AGBL4: variants seen among roughly 807,000 people sequenced by gnomAD.
The protein encoded by AGBL4 is cytosolic carboxypeptidase 6.
Under a neutral mutation model 66.4 loss-of-function variants are expected in AGBL4, and 58 were observed. That is an observed-to-expected ratio of 0.87 (90% CI 0.71 to 1.09). The LOEUF is 1.09. Ranked by LOEUF, AGBL4 falls within the 50% of genes least tolerant of loss-of-function variation. The pLI is 0.00. For missense variants in AGBL4, 579 were observed against 631.0 expected (o/e 0.92, Z 0.88); for synonymous variants, 234 against 222.9 (o/e 1.05, Z -0.44).
At chr1:49,906,433 C>G (rs1462499124) in intron 1 of AGBL4, among the ~76,000 whole-genome samples, 1 of 151,916 alleles carries the variant, frequency 6.6e-6, no homozygotes, top group African/African-American at 2.4e-5. Context: ...TTTATATTTT[C>G]GTGGTTATAA....
chr1:50,023,645 C>G, intron 1 of AGBL4, 118 bp downstream of exon 1: 4 of 1,261,384 alleles, frequency 3.2e-6, no homozygotes, highest in Non-Finnish European at 4.2e-6. Flanking sequence ...CATAACCCAC[C>G]GCGCAAATAT....
At chr1:48,751,083 T>C (rs558432097) in intron 6 of AGBL4, among the ~76,000 whole-genome samples, 2 of 152,346 alleles carry the variant, frequency 1.3e-5, no homozygotes, top group African/African-American at 4.8e-5. Flanking sequence ...GATATGTCTT[T>C]TCCCCTCTCT....
At chr1:49,375,869 C>G (rs373064271) in intron 3 of AGBL4, among the ~76,000 whole-genome samples, 2 of 152,088 alleles carry the variant, frequency 1.3e-5, no homozygotes, top group African/African-American at 4.8e-5. Context: ...TCGACAGAGT[C>G]TGACCTTTCT....
intron 6 of AGBL4, among the ~76,000 whole-genome samples, chr1:48,706,616 C>T (rs542568438): frequency 1.3e-4 from 19 of 151,906 alleles, no homozygotes; most frequent in Non-Finnish European, 2.2e-4. Flanking sequence ...AAAAAGAAAC[C>T]TGTGGAAAGC....
intron 9 of AGBL4, among the ~76,000 whole-genome samples, chr1:48,625,755 G>A (rs1341390190): frequency 2.6e-5 from 4 of 152,030 alleles, no homozygotes; most frequent in East Asian, 3.9e-4. Flanking sequence ...AGAGTCTTTC[G>A]GGATGAAAAG....
chr1:49,384,321 C>T (rs982363499), intron 3 of AGBL4, among the ~76,000 whole-genome samples: 3 of 151,896 alleles, frequency 2.0e-5, no homozygotes, highest in East Asian at 3.9e-4. Flanking sequence ...CGGCTGGGCT[C>T]GGTGGCTCAT....
intron 3 of AGBL4, among the ~76,000 whole-genome samples, chr1:49,680,498 G>T (rs1353997032): frequency 6.6e-6 from 1 of 152,012 alleles, no homozygotes; most frequent in Non-Finnish European, 1.5e-5. Flanking sequence ...ACTGGATATA[G>T]AATTCTAAGT....
intron 3 of AGBL4, among the ~76,000 whole-genome samples, chr1:49,338,309 C>G (rs746794072): frequency 6.6e-6 from 1 of 152,160 alleles, no homozygotes; most frequent in Non-Finnish European, 1.5e-5. Flanking sequence ...TCTATGCCAC[C>G]TCTGCATATT....
intron 5 of AGBL4, among the ~76,000 whole-genome samples, chr1:48,968,079 GGA>G (rs1225996088): frequency 7.5e-6 from 1 of 133,424 alleles, no homozygotes; most frequent in African/African-American, 2.7e-5. Flanking sequence ...TGAAAATCTG[GGA>G]TCAGAAATCT....
At chr1:49,282,763 C>T (rs920174480) in intron 3 of AGBL4, among the ~76,000 whole-genome samples, 7 of 152,272 alleles carry the variant, frequency 4.6e-5, no homozygotes, top group South Asian at 4.2e-4. Flanking sequence ...GGGTGACAGA[C>T]GCACCTGGAA....
intron 4 of AGBL4, among the ~76,000 whole-genome samples, chr1:49,183,082 C>T (rs1646956625): frequency 6.6e-6 from 1 of 152,130 alleles, no homozygotes; most frequent in South Asian, 2.1e-4. Flanking sequence ...GCTCTTAAAT[C>T]TAATCAAATG....
intron 3 of AGBL4, among the ~76,000 whole-genome samples, chr1:49,572,048 T>C (rs746291285): frequency 6.6e-6 from 1 of 152,136 alleles, no homozygotes; most frequent in Non-Finnish European, 1.5e-5. Flanking sequence ...TGTGTCCTTG[T>C]TTGCTTGGTT....
chr1:49,479,398 C>T (rs575331693), intron 3 of AGBL4, among the ~76,000 whole-genome samples: 1 of 151,776 alleles, frequency 6.6e-6, no homozygotes, highest in East Asian at 1.9e-4. Context: ...ATTATTTCAT[C>T]ACCCCGGTGT....
At position 49,342,169 on chromosome 1, in the gene AGBL4, A is replaced by G. The variant is rs186472115; in HGVS notation, c.283-96305T>C. Reference sequence around the variant, plus strand: ...GCTTTTTTTCCACTCTCCCTCTCTGATGCCTCAGCCTCTCTCTGTGCGCAA... The same window carrying G: ...GCTTTTTTTCCACTCTCCCTCTCTGGTGCCTCAGCCTCTCTCTGTGCGCAA... On this transcript the variant is annotated intron_variant, in intron 3 of 13. Coordinates refer to ENST00000371839, the MANE Select transcript of AGBL4 (RefSeq NM_032785.4). Among the ~76,000 whole-genome samples, 288 of 152,190 alleles carry G rather than the reference A, an allele frequency of 1.9e-3. 2 individuals carry two copies. Among genetic ancestry groups the G allele is most frequent in the South Asian group, 0.01 (49 of 4,826 alleles).
chr1:49,735,913 G>A (rs1190692684), intron 2 of AGBL4, among the ~76,000 whole-genome samples: 2 of 151,852 alleles, frequency 1.3e-5, no homozygotes, highest in Non-Finnish European at 2.9e-5. Flanking sequence ...AAAAATCACT[G>A]GAAAGTATCA....
At chr1:49,176,165 A>G (rs926706395) in intron 4 of AGBL4, among the ~76,000 whole-genome samples, 1 of 152,140 alleles carries the variant, frequency 6.6e-6, no homozygotes, top group Admixed American at 6.5e-5. Context: ...GATGACAATG[A>G]TGATGGAATT....
At chr1:48,558,190 C>A (rs978463445) in intron 11 of AGBL4, among the ~76,000 whole-genome samples, 15 of 152,170 alleles carry the variant, frequency 9.9e-5, no homozygotes, top group East Asian at 1.9e-4. Context: ...ACATTATCCT[C>A]TTTGTTTCGG....
At chr1:48,904,799 AAAG>A (rs1329758779) in intron 5 of AGBL4, among the ~76,000 whole-genome samples, 1 of 152,220 alleles carries the variant, frequency 6.6e-6, no homozygotes, top group Non-Finnish European at 1.5e-5. Context: ...TTGATTTCCC[AAAG>A]AAGAAACATG....
Position 48,897,814 on chromosome 1 carries a change from T to C in AGBL4, c.595-30584A>G, listed in dbSNP as rs539937480. On this transcript the variant is annotated intron_variant, in intron 5 of 13. Coordinates refer to ENST00000371839, the MANE Select transcript of AGBL4 (RefSeq NM_032785.4). ...TTCGGATCTTTTGCCCACTTTTTTT[T>C]TTTTTTTTTTTTTTAAGACGGAGTC... Among the ~76,000 whole-genome samples the C allele has an allele frequency of 3.1e-3, 460 of 150,410 alleles. 7 individuals are homozygous for C. Among genetic ancestry groups the C allele is most frequent in the Non-Finnish European group, 8.1e-4 (55 of 67,592 alleles).
Sources: allele counts gnomAD v4.1 joint callset (sites outside exome capture counted in the v4.1 genomes callset), GRCh38; gene constraint gnomAD v4.1.1; transcripts MANE v1.5; gene names NCBI Gene and HGNC (gene_info 2026-07-23, HGNC 2026-07-21).